SLC44A5: variants seen among roughly 807,000 people sequenced by gnomAD.
The protein encoded by SLC44A5 is choline transporter-like protein 5.
A neutral mutation model predicts 101.8 loss-of-function variants in SLC44A5; 57 were observed. The observed-to-expected ratio is 0.56, with a 90% CI of 0.45 to 0.70. The LOEUF is 0.70. SLC44A5 is among the 30% of genes least tolerant of loss of function. The pLI, the probability that SLC44A5 is intolerant of heterozygous loss-of-function variation, is 0.00. For missense variants in SLC44A5, 737 were observed against 853.1 expected (o/e 0.86, Z 1.70); for synonymous variants, 281 against 290.9 (o/e 0.97, Z 0.35).
chr1:75,715,405 G>C, the SLC44A5 span, among the ~76,000 whole-genome samples: 1 of 152,076 alleles, frequency 6.6e-6, no homozygotes, highest in Admixed American at 6.6e-5. Flanking sequence ...ATACTACAAG[G>C]CTACAGTAAC....
At chr1:75,246,601 T>C (rs1649126370) in intron 7 of SLC44A5, among the ~76,000 whole-genome samples, 1 of 151,910 alleles carries the variant, frequency 6.6e-6, no homozygotes, top group Non-Finnish European at 1.5e-5. Context: ...TAATAAATAG[T>C]AGTAAATAAG....
intron 5 of SLC44A5, among the ~76,000 whole-genome samples, chr1:75,294,837 T>C (rs1468501693): frequency 6.6e-6 from 1 of 152,058 alleles, no homozygotes; most frequent in Non-Finnish European, 1.5e-5. Context: ...CTCCAACTCA[T>C]AGAAGCAGAG....
chr1:75,240,892 T>C (rs1360235490), intron 9 of SLC44A5, among the ~76,000 whole-genome samples: 1 of 152,114 alleles, frequency 6.6e-6, no homozygotes, highest in Non-Finnish European at 1.5e-5. Flanking sequence ...CGTTCCAATC[T>C]TTTTCTTTGA....
At chr1:75,707,747 T>C in the SLC44A5 span, among the ~76,000 whole-genome samples, 11 of 152,296 alleles carry the variant, frequency 7.2e-5, no homozygotes, top group African/African-American at 2.6e-4. Context: ...TTTCCAAATA[T>C]ATGACCTGGA....
intron 2 of SLC44A5, among the ~76,000 whole-genome samples, chr1:75,527,958 T>G (rs886080001): frequency 6.6e-6 from 1 of 152,254 alleles, no homozygotes; most frequent in Non-Finnish European, 1.5e-5. Flanking sequence ...GCTTCTCTTT[T>G]AAACTTGACA....
intron 22 of SLC44A5, among the ~76,000 whole-genome samples, chr1:75,212,216 G>A (rs968778313): frequency 6.6e-6 from 1 of 151,924 alleles, no homozygotes; most frequent in African/African-American, 2.4e-5. Context: ...TTTGGTTAAG[G>A]GGTATGTGTA....
chr1:75,234,158 C>A, intron 11 of SLC44A5, 60 bp from the exon 12 acceptor site: 1 of 1,186,258 alleles, frequency 8.4e-7, no homozygotes, highest in Non-Finnish European at 1.2e-6. Flanking sequence ...ATATTACAAA[C>A]ATCAAGACAA....
At chr1:75,269,465 A>G (rs1421230893) in intron 6 of SLC44A5, among the ~76,000 whole-genome samples, 3 of 151,956 alleles carry the variant, frequency 2.0e-5, no homozygotes, top group African/African-American at 7.2e-5. Flanking sequence ...TCTTTAGAAA[A>G]GTTTTCTTAA....
rs187781697 is a variant in SLC44A5 at position 75,283,587 on chromosome 1, A to C, written c.176-8545T>G. ...CTTTTTGTCTAAGCCAATGTCCAGA[A>C]GAGTTTTTCTGATGTTATATTCTAG... is the stretch of plus-strand genomic sequence containing the variant. On this transcript the variant is annotated intron_variant, in intron 5 of 23. Transcript: ENST00000370859. Among the ~76,000 whole-genome samples the C allele has an allele frequency of 2.4e-3, 372 of 152,246 alleles. 3 individuals are homozygous for C. Among genetic ancestry groups the C allele is most frequent in the African/African-American group, 8.3e-3 (343 of 41,550 alleles).
intron 9 of SLC44A5, 51 bp downstream of exon 9, chr1:75,241,950 G>A (rs1648668943): frequency 6.8e-7 from 1 of 1,466,758 alleles, no homozygotes; most frequent in African/African-American, 1.4e-5. Context: ...ACTTAATTAA[G>A]TAGCATTTTG....
rs572174822 is a variant in SLC44A5 at position 75,604,745 on chromosome 1, T to C, written c.-70+6295A>G. Among the ~76,000 whole-genome samples, 10 of 109,428 alleles carry C rather than the reference T, an allele frequency of 9.1e-5. No individual in the cohort carries two copies. In the Admixed American group the frequency reaches 1.0e-3, roughly 11 times the overall value. The allele number at this position is 109,428 out of a possible 152,430, so 71.8% of individuals were successfully genotyped here. A position where few individuals can be genotyped will look rare whatever the true frequency, so the allele number is the denominator to read the frequency against. ...GACCTTTTACTTCCTTGGTTAGAGG[T>C]GAAACCAAGGGGTGTGTGTGTATGT... On this transcript the variant is annotated intron_variant, in intron 1 of 23. Coordinates refer to ENST00000370859, the MANE Select transcript of SLC44A5 (RefSeq NM_001130058.2).
intron 2 of SLC44A5, among the ~76,000 whole-genome samples, chr1:75,533,074 C>G (rs1172769422): frequency 6.6e-6 from 1 of 152,130 alleles, no homozygotes; most frequent in African/African-American, 2.4e-5. Flanking sequence ...TTCTAAGATG[C>G]CCTTCTGCCT....
At chr1:75,548,248 C>A (rs1400412936) in intron 1 of SLC44A5, among the ~76,000 whole-genome samples, 1 of 152,062 alleles carries the variant, frequency 6.6e-6, no homozygotes, top group Non-Finnish European at 1.5e-5. Flanking sequence ...CAGTTTCCTT[C>A]TCTTCAACTA....
At chr1:75,689,898 T>A in the SLC44A5 span, among the ~76,000 whole-genome samples, 1 of 152,112 alleles carries the variant, frequency 6.6e-6, no homozygotes, top group African/African-American at 2.4e-5. Context: ...CATGTCAAAA[T>A]TTTGGTCATG....
At position 75,483,167 on chromosome 1, in the gene SLC44A5, G is replaced by A. The variant is rs138385352; in HGVS notation, c.13+58268C>T. On this transcript the variant is annotated intron_variant, in intron 2 of 23. Coordinates refer to ENST00000370859, the MANE Select transcript of SLC44A5 (RefSeq NM_001130058.2). The stretch of plus-strand genomic sequence containing the variant: ...CACCTCAGGACAAAGGGAAAACTGC[G>A]TTGGCCAAAACTGGCCTGAGGGAAA... Among the ~76,000 whole-genome samples the A allele has an allele frequency of 8.5e-4, 130 of 152,286 alleles. 2 individuals carry two copies. In the East Asian group the frequency reaches 0.017, roughly 19 times the overall value.
intron 3 of SLC44A5, among the ~76,000 whole-genome samples, chr1:75,385,484 T>C (rs1661254082): frequency 6.6e-6 from 1 of 152,046 alleles, no homozygotes; most frequent in Non-Finnish European, 1.5e-5. Context: ...CCTCGACACA[T>C]ACACTCTCCC....
chr1:75,687,124 G>C, the SLC44A5 span, among the ~76,000 whole-genome samples: 15 of 152,212 alleles, frequency 9.9e-5, no homozygotes, highest in African/African-American at 3.4e-4. Flanking sequence ...ACCTAAGACT[G>C]ACTGAACCCA....
chr1:75,244,459 G>A (rs1648934050), intron 7 of SLC44A5, among the ~76,000 whole-genome samples: 1 of 151,974 alleles, frequency 6.6e-6, no homozygotes, highest in Non-Finnish European at 1.5e-5. Context: ...AAAATTCTCT[G>A]AATATTGAAC....
intron 1 of SLC44A5, among the ~76,000 whole-genome samples, chr1:75,572,529 A>G (rs1673126593): frequency 1.3e-5 from 2 of 152,186 alleles, no homozygotes; most frequent in African/African-American, 4.8e-5. Flanking sequence ...AGCTCTGCAG[A>G]CATATTATAT....
Sources: gnomAD v4.1 joint callset for allele counts (sites outside exome capture counted in the v4.1 genomes callset) on GRCh38, gnomAD v4.1.1 for gene constraint, MANE v1.5 for transcripts, NCBI Gene and HGNC (gene_info 2026-07-23, HGNC 2026-07-21) for gene names.